The following BCAR1 variants were observed in gnomAD, a reference collection of about 807,000 sequenced individuals.
The protein encoded by BCAR1 is BCAR1 scaffold protein, Cas family member, also known as breast cancer anti-estrogen resistance protein 1.
In BCAR1, 30 loss-of-function variants were observed where a neutral mutation model predicts 67.6. That is an observed-to-expected ratio of 0.44 (90% confidence interval 0.33 to 0.60). The LOEUF (loss-of-function observed/expected upper bound fraction) is 0.60. BCAR1 is among the 20% of genes least tolerant of loss of function. The pLI is 0.02. For synonymous variants in BCAR1, 626 were observed against 556.7 expected, an observed-to-expected ratio of 1.12 and a Z score of -1.75; for missense variants, 1,313 against 1,222.3, an observed-to-expected ratio of 1.07 and a Z score of -1.11.
At chr16:75,238,640 C>A in intron 2 of BCAR1, 1 of 986,202 alleles carries the variant, frequency 1.0e-6, no homozygotes. Context: ...CTCCAGCACG[C>A]CTGGTAGCAG....
At chr16:75,245,351 G>C (rs1049481046) in intron 1 of BCAR1, among the ~76,000 whole-genome samples, 15 of 152,248 alleles carry the variant, frequency 9.9e-5, no homozygotes, top group African/African-American at 3.6e-4. Flanking sequence ...CTCCAGCCAA[G>C]TCAGAGAAGG....
intron 1 of BCAR1, among the ~76,000 whole-genome samples, chr16:75,260,676 C>T (rs887192598): frequency 1.3e-5 from 2 of 151,120 alleles, no homozygotes; most frequent in African/African-American, 4.9e-5. Flanking sequence ...TGTTTAACAT[C>T]TGCACATTTC....
intron 1 of BCAR1, among the ~76,000 whole-genome samples, chr16:75,243,787 G>A (rs538657594): frequency 2.0e-5 from 3 of 152,320 alleles, no homozygotes; most frequent in South Asian, 2.1e-4. Flanking sequence ...CATGAGTGCC[G>A]TGGCGAGGGC....
chr16:75,258,131 C>T (rs1461772008), intron 1 of BCAR1, among the ~76,000 whole-genome samples: 4 of 152,232 alleles, frequency 2.6e-5, no homozygotes, highest in Non-Finnish European at 5.9e-5. Context: ...GGCCCCACCC[C>T]GCTGGGCACC....
intron 1 of BCAR1, among the ~76,000 whole-genome samples, chr16:75,262,958 G>A (rs2077937844): frequency 6.6e-6 from 1 of 152,194 alleles, no homozygotes. Flanking sequence ...ACAAGTAGAG[G>A]CCATGCAGGA....
intron 1 of BCAR1, chr16:75,250,543 C>CG: frequency 1.3e-6 from 1 of 763,186 alleles, no homozygotes; most frequent in South Asian, 6.0e-5. Flanking sequence ...CAGGAGGGAA[C>CG]GGGAGCCTTG....
chr16:75,250,671 C>A (rs2077652145), intron 1 of BCAR1: 4 of 985,436 alleles, frequency 4.1e-6, no homozygotes, highest in Admixed American at 6.1e-5. Flanking sequence ...TCCCTCACCT[C>A]GGTCCAGCGA....
chr16:75,250,375 G>A (rs537323503), intron 1 of BCAR1, among the ~76,000 whole-genome samples: 81 of 152,234 alleles, frequency 5.3e-4, no homozygotes, highest in African/African-American at 1.8e-3. Context: ...ACTCTCCACC[G>A]AGGGAAAGGA....
chr16:75,230,178 C>T (rs993453419), intron 6 of BCAR1, among the ~76,000 whole-genome samples, 155 bp from the exon 7 acceptor site: 7 of 152,318 alleles, frequency 4.6e-5, no homozygotes, highest in Non-Finnish European at 1.0e-4. Context: ...CTCCCGGGGA[C>T]GGGACCAGGA....
chr16:75,234,965 G>A lies in BCAR1; in HGVS notation c.1934C>T (p.Ser645Phe). 1 of 1,600,330 alleles carries A rather than the reference G, an allele frequency of 6.2e-7. No homozygotes were observed. The highest frequency in any genetic ancestry group is 2.2e-5 in the East Asian group (1 of 44,618). Residue 645 changes from serine (S) to phenylalanine (F), a missense_variant, in exon 5 of 7, where the codon TCC (serine) becomes TTC (phenylalanine). Physicochemically the swap from Ser to Phe is radical, Grantham distance 155 (BLOSUM62 -2). Around this residue, in one of 2 missense-constraint regions of BCAR1, gnomAD observed 1,272 missense variants for 1,137.5 expected, o/e 1.12. Coordinates refer to ENST00000162330, the MANE Select transcript of BCAR1 (RefSeq NM_014567.5). ...RPLPSPPKFT[S>F]QDSPDGQYEN... Reference sequence around the variant, plus strand: ...GTACTGCCCATCTGGCGAGTCCTGGGAGGTGAACTTAGGGGGTGAGGGCAG... The same window carrying A: ...GTACTGCCCATCTGGCGAGTCCTGGAAGGTGAACTTAGGGGGTGAGGGCAG...
At chr16:75,230,064 G>T in intron 6 of BCAR1, 41 bp from the exon 7 acceptor site, 1 of 1,514,188 alleles carries the variant, frequency 6.6e-7, no homozygotes, top group Non-Finnish European at 8.8e-7. Context: ...AGGCTCTCGG[G>T]TGAGTTGGAA....
At chr16:75,234,542 G>A in intron 5 of BCAR1, among the ~76,000 whole-genome samples, 1 of 152,218 alleles carries the variant, frequency 6.6e-6, no homozygotes. Flanking sequence ...TGCTCCAGGG[G>A]CCAGCCTGGG....
At chr16:75,251,735 C>T (rs896521183), upstream of BCAR1, 6 of 965,986 alleles carry the variant, frequency 6.2e-6, no homozygotes, top group Non-Finnish European at 7.4e-6. Flanking sequence ...AGCCGCCTGT[C>T]GGGGGCGCGG....
At chr16:75,256,812 C>T (rs1288664913) in intron 1 of BCAR1, among the ~76,000 whole-genome samples, 1 of 152,166 alleles carries the variant, frequency 6.6e-6, no homozygotes, top group Non-Finnish European at 1.5e-5. Flanking sequence ...CCTCTCTCAG[C>T]TCTCCCCTCC....
Position 75,234,922 on chromosome 16 carries a change from G to GC in BCAR1, c.1976dup (p.Trp660LeufsTer6). The stretch of plus-strand genomic sequence containing the variant: ...GGACGTAGTCATAGTCCTCCATCCA[G>GC]CCCCCCTCGCTGTTCTCGTACTGCC... On this transcript the variant is annotated frameshift_variant, in exon 5 of 7. Coordinates refer to ENST00000162330, the MANE Select transcript of BCAR1 (RefSeq NM_014567.5). LOFTEE classifies it high-confidence loss of function. 2 of 1,553,268 alleles carry GC rather than the reference G, an allele frequency of 1.3e-6. No individual in the cohort carries two copies. The highest frequency in any genetic ancestry group is 8.7e-7 in the Non-Finnish European group (1 of 1,144,634).
rs915028837 is a variant in BCAR1 at position 75,247,344 on chromosome 16, C to G, written c.12+4127G>C. ...AATATCCCAGCTGTTGCACATAGGA[C>G]TGACAGGACTGCCCCACACGCTCTG... On this transcript the variant is annotated intron_variant, in intron 1 of 6. Transcript: ENST00000162330. 2.6e-5 allele frequency: 4 copies of G among 152,808 alleles called. No homozygotes were observed. In the East Asian group the frequency reaches 7.7e-4, roughly 29 times the overall value. 9.5% of individuals were successfully genotyped at this position (152,808 alleles called of 1,614,324 possible).
chr16:75,235,664 A>G lies in BCAR1; in HGVS notation c.1235T>C (p.Val412Ala). 1 of 1,611,172 alleles carries G rather than the reference A, an allele frequency of 6.2e-7. No individual in the cohort carries two copies. The highest frequency in any genetic ancestry group is 8.5e-7 in the Non-Finnish European group (1 of 1,178,544). Residue 412 changes from valine (V) to alanine (A), a missense_variant, in exon 5 of 7, where the codon GTG (valine) becomes GCG (alanine). Val to Ala is a moderately conservative substitution (Grantham distance 64). Transcript: ENST00000162330. The part of the protein sequence containing the change: ...GGVVDSGVYA[V>A]PPPAEREAPA... ...GGCTTCACGTTCAGCTGGGGGAGGC[A>G]CCGCATACACACCACTGTCGACCAC...
intron 2 of BCAR1, 142 bp downstream of exon 2, chr16:75,242,328 C>T: frequency 1.6e-6 from 2 of 1,264,330 alleles, no homozygotes; most frequent in Non-Finnish European, 2.0e-6. Flanking sequence ...CCCAAACACT[C>T]ACTTCCCACT....
In BCAR1 at chr16:75,235,803, G is replaced by T; in HGVS notation, c.1096C>A (p.Pro366Thr). The T allele has an allele frequency of 6.3e-7, 1 of 1,592,790 alleles. No homozygotes were observed. Among genetic ancestry groups the T allele is most frequent in the Non-Finnish European group, 8.6e-7 (1 of 1,169,298 alleles). The change falls in exon 5 of 7, where the codon CCC becomes ACC. Residue 366 changes from proline (P) to threonine (T), a missense_variant. Pro to Thr is a conservative substitution (Grantham distance 38). Around this residue, in one of 2 missense-constraint regions of BCAR1, gnomAD observed 1,272 missense variants for 1,137.5 expected, o/e 1.12. Coordinates refer to ENST00000162330, the MANE Select transcript of BCAR1 (RefSeq NM_014567.5). ...PPAEDVYDVP[P>T]PAPDLYDVPP... ...ACGTCGTAGAGGTCAGGAGCCGGGGGCGGCACGTCATACACGTCCTCGGCC... is the reference window on the plus strand; with the variant it reads ...ACGTCGTAGAGGTCAGGAGCCGGGGTCGGCACGTCATACACGTCCTCGGCC...
Sources: gnomAD v4.1 joint callset for allele counts (sites outside exome capture counted in the v4.1 genomes callset) on GRCh38, gnomAD v4.1.1 for gene constraint, gnomAD v4.1.1 regional missense constraint, MANE v1.5 for transcripts, NCBI Gene and HGNC (gene_info 2026-07-23, HGNC 2026-07-21) for gene names.